The following EVC2 variants were observed in gnomAD, a reference collection of about 807,000 sequenced individuals.
The protein encoded by EVC2 is EvC ciliary complex subunit 2.
A neutral mutation model predicts 149.3 loss-of-function variants in EVC2; 148 were observed. The observed-to-expected ratio is 0.99, with a 90% CI of 0.87 to 1.14. The LOEUF (loss-of-function observed/expected upper bound fraction) is 1.14. Among genes scored for constraint, EVC2 ranks in the 50% most tolerant of loss-of-function variants. The pLI is 0.00. For missense variants in EVC2, 1,854 were observed against 1,627.3 expected (o/e 1.14, Z -2.40); for synonymous variants, 776 against 649.9 (o/e 1.19, Z -2.95).
intron 16 of EVC2, among the ~76,000 whole-genome samples, chr4:5,611,903 C>A (rs552887511): frequency 6.6e-6 from 1 of 152,164 alleles, no homozygotes; most frequent in African/African-American, 2.4e-5. Flanking sequence ...TACAGATTAG[C>A]CTTCTTCCCA....
chr4:5,555,778 C>T (rs912125994), intron 21 of EVC2, among the ~76,000 whole-genome samples: 5 of 152,160 alleles, frequency 3.3e-5, no homozygotes, highest in African/African-American at 1.2e-4. Flanking sequence ...CTGAATAGCA[C>T]TCTCAATCAA....
At chr4:5,706,413 C>CATAGATACATAGATACATAG (rs1722181217) in intron 1 of EVC2, among the ~76,000 whole-genome samples, 1 of 15,542 alleles carries the variant, frequency 6.4e-5, no homozygotes, top group Non-Finnish European at 1.4e-4. Flanking sequence ...TAGATAGATA[C>CATAGATACATAGATACATAG]ATAGATAGAT....
At chr4:5,597,643 T>G (rs1713566703) in intron 16 of EVC2, among the ~76,000 whole-genome samples, 1 of 149,320 alleles carries the variant, frequency 6.7e-6, no homozygotes, top group Admixed American at 6.8e-5. Context: ...AAACATTCCC[T>G]TTGAAAACTG....
chr4:5,682,652 A>T (rs1355638533), intron 6 of EVC2, among the ~76,000 whole-genome samples: 4 of 151,692 alleles, frequency 2.6e-5, no homozygotes, highest in Non-Finnish European at 5.9e-5. Context: ...TGAGGTCAGG[A>T]GCTTGAGACC....
upstream of EVC2, chr4:5,709,324 A>G (rs1030047637): frequency 2.6e-5 from 4 of 152,252 alleles, no homozygotes; most frequent in South Asian, 2.1e-4. Context: ...GTGCTTCCTC[A>G]TCCCTGCCTA....
Position 5,660,659 on chromosome 4 carries a change from C to T in EVC2, c.1145+2448G>A, listed in dbSNP as rs1306853172. 2.6e-5 allele frequency among the ~76,000 whole-genome samples: 4 copies of T among 152,238 alleles called. No individual in the cohort carries two copies. In the East Asian group the frequency reaches 7.7e-4, roughly 29 times the overall value. On this transcript the variant is annotated intron_variant, in intron 9 of 21. Coordinates refer to ENST00000344408, the MANE Select transcript of EVC2 (RefSeq NM_147127.5). The stretch of plus-strand genomic sequence containing the variant: ...GGTCTGCTAATCTGACCAGGGCTCA[C>T]AGGCAGCTATCACCATAAGGATGCA...
chr4:5,652,771 C>A (rs1336511389), intron 9 of EVC2, among the ~76,000 whole-genome samples: 2 of 152,144 alleles, frequency 1.3e-5, no homozygotes, highest in African/African-American at 4.8e-5. Flanking sequence ...TATTAAGCAT[C>A]AGAATGACCA....
At chr4:5,678,212 C>T (rs1308197677) in intron 7 of EVC2, among the ~76,000 whole-genome samples, 1 of 152,178 alleles carries the variant, frequency 6.6e-6, no homozygotes, top group Non-Finnish European at 1.5e-5. Context: ...TGAGCACCTC[C>T]TTTCCTTCTG....
rs898083913 is a variant in EVC2 at position 5,549,113 on chromosome 4, A to G, written c.3420-5901T>C. Among the ~76,000 whole-genome samples, 49 of 152,140 alleles carry G rather than the reference A, an allele frequency of 3.2e-4. 1 individual carries two copies. Reference sequence around the variant, plus strand: ...TTCTCAGGTCATCAAATATTCATTAACATAATTTTGAAACTGAATAGCAAC... The same window carrying G: ...TTCTCAGGTCATCAAATATTCATTAGCATAATTTTGAAACTGAATAGCAAC... On this transcript the variant is annotated intron_variant and NMD_transcript_variant, in intron 21 of 22. Coordinates refer to the EVC2 transcript ENST00000475313.
chr4:5,638,422 A>G (rs1238902709), intron 10 of EVC2, among the ~76,000 whole-genome samples: 1 of 151,876 alleles, frequency 6.6e-6, no homozygotes, highest in African/African-American at 2.4e-5. Context: ...TAACAGATTT[A>G]GGAAAGAATC....
intron 16 of EVC2, among the ~76,000 whole-genome samples, chr4:5,595,122 GA>G (rs1157968009): frequency 1.3e-5 from 2 of 152,166 alleles, no homozygotes; most frequent in Non-Finnish European, 2.9e-5. Context: ...GGGGAGAATG[GA>G]AACAAGTTGG....
chr4:5,554,883 G>A (rs926015061), intron 21 of EVC2, among the ~76,000 whole-genome samples: 1 of 152,166 alleles, frequency 6.6e-6, no homozygotes, highest in Non-Finnish European at 1.5e-5. Context: ...GTTACACAAA[G>A]AAGGAAATGT....
intron 21 of EVC2, among the ~76,000 whole-genome samples, chr4:5,556,744 A>C (rs2108762015): frequency 6.6e-6 from 1 of 152,322 alleles, no homozygotes; most frequent in East Asian, 1.9e-4. Flanking sequence ...GAAATGAAAG[A>C]GCAGTCTCAC....
Position 5,618,018 on chromosome 4 carries a change from T to C in EVC2, c.2706+460A>G, listed in dbSNP as rs1443956267. ...CTCATTAAAAGGCAGCTACCAGTCA[T>C]CATCCTTTAAGACCCTGTGCAAGAG... On this transcript the variant is annotated intron_variant, in intron 15 of 21. Transcript: ENST00000344408. The surrounding 1 kb of genome is among the most constrained non-coding windows in gnomAD (Gnocchi z 4.4). 6.6e-6 allele frequency among the ~76,000 whole-genome samples: 1 copy of C among 152,140 alleles called. No homozygotes were observed. Among genetic ancestry groups the C allele is most frequent in the East Asian group, 1.9e-4 (1 of 5,192 alleles).
intron 9 of EVC2, among the ~76,000 whole-genome samples, chr4:5,653,986 G>C (rs1425128547): frequency 1.3e-5 from 2 of 152,198 alleles, no homozygotes; most frequent in East Asian, 3.9e-4. Flanking sequence ...GGCCGAGGCA[G>C]GCGGATCACC....
chr4:5,674,250 C>T (rs1719850581), intron 7 of EVC2, among the ~76,000 whole-genome samples: 1 of 152,152 alleles, frequency 6.6e-6, no homozygotes, highest in Admixed American at 6.6e-5. Context: ...GACAATCACA[C>T]TTACCAACGC....
In EVC2 at chr4:5,576,283, C is replaced by T. The variant is rs182888222; in HGVS notation, c.3229G>A (p.Ala1077Thr). ...ERQVSTVLHQ[A>T]LSKSQTLLEQ... ...AGTAATGTCTGGCTCTTGCTCAGGG[C>T]TTGGTGCAGGACAGTAGAGACCTGC... Residue 1077 changes from alanine (A) to threonine (T), a missense_variant, in exon 18 of 22, where the codon GCC (alanine) becomes ACC (threonine). Transcript: ENST00000344408. The surrounding 1 kb of genome is among the most constrained non-coding windows in gnomAD (Gnocchi z 4.5). The T allele has an allele frequency of 1.6e-5, 26 of 1,614,070 alleles. No individual in the cohort carries two copies. The highest frequency in any genetic ancestry group is 2.0e-5 in the Non-Finnish European group (24 of 1,180,052).
At position 5,670,370 on chromosome 4, in the gene EVC2, CCAT is replaced by C. The variant is rs1221179326; in HGVS notation, c.871-4724_871-4722del. 6.6e-6 allele frequency among the ~76,000 whole-genome samples: 1 copy of C among 151,942 alleles called. No homozygotes were observed. Among genetic ancestry groups the C allele is most frequent in the Non-Finnish European group, 1.5e-5 (1 of 67,964 alleles). ...ATGACTGTCACCACCACCATCACCACCATCATTATCAACATCATCAATATCTCC... is the reference window on the plus strand; with the variant it reads ...ATGACTGTCACCACCACCATCACCACCATTATCAACATCATCAATATCTCC... On this transcript the variant is annotated intron_variant, in intron 7 of 21. Transcript: ENST00000344408. The surrounding 1 kb of genome is among the most constrained non-coding windows in gnomAD (Gnocchi z 5.2).
chr4:5,656,622 T>C (rs1718538109), intron 9 of EVC2, among the ~76,000 whole-genome samples: 1 of 151,890 alleles, frequency 6.6e-6, no homozygotes. Flanking sequence ...CAGGCAGAGA[T>C]GGAAGTAAGT....
Sources: gnomAD v4.1 joint callset for allele counts (sites outside exome capture counted in the v4.1 genomes callset) on GRCh38, gnomAD v4.1.1 for gene constraint, Gnocchi (gnomAD v3.1) non-coding constraint, MANE v1.5 for transcripts, NCBI Gene and HGNC (gene_info 2026-07-23, HGNC 2026-07-21) for gene names.